CUBN: variants seen among roughly 807,000 people sequenced by gnomAD.
The protein encoded by CUBN is 460 kDa receptor.
Under a neutral mutation model 405.3 loss-of-function variants are expected in CUBN, and 282 were observed. The ratio of observed to expected loss-of-function variants is 0.70; its 90% CI spans 0.63 to 0.77. The LOEUF is 0.77. Among genes scored for constraint, CUBN ranks in the 30% least tolerant of loss-of-function variants. The pLI, the probability that CUBN is intolerant of heterozygous loss-of-function variation, is 0.00. For missense variants in CUBN, 4,514 were observed against 4,475.2 expected (o/e 1.01, Z -0.25); for synonymous variants, 1,684 against 1,617.0 (o/e 1.04, Z -0.99).
intron 28 of CUBN, among the ~76,000 whole-genome samples, chr10:17,001,122 G>A (rs948588873): frequency 1.3e-5 from 2 of 152,252 alleles, no homozygotes; most frequent in East Asian, 3.9e-4. Flanking sequence ...GTGCAGAGTT[G>A]TTCATTCTTC....
intron 4 of CUBN, among the ~76,000 whole-genome samples, chr10:17,124,912 A>G (rs1837137997): frequency 6.7e-6 from 1 of 149,122 alleles, no homozygotes; most frequent in South Asian, 2.2e-4. Context: ...GCTCACTGCA[A>G]CCTCCACCTC....
intron 8 of CUBN, among the ~76,000 whole-genome samples, chr10:17,112,016 T>C (rs1836782437): frequency 1.3e-5 from 2 of 152,266 alleles, no homozygotes; most frequent in South Asian, 4.1e-4. Flanking sequence ...CTTGTACAAA[T>C]GAAGAATAAA....
chr10:17,099,955 C>T, intron 14 of CUBN, 50 bp downstream of exon 14: 1 of 1,311,436 alleles, frequency 7.6e-7, no homozygotes, highest in African/African-American at 1.5e-5. Context: ...ATTAAGAACA[C>T]TTAATAACCT....
At position 17,068,529 on chromosome 10, in the gene CUBN, T is replaced by C; in HGVS notation, c.2791+76A>G. The C allele has an allele frequency of 3.1e-6, 4 of 1,297,954 alleles. No homozygotes were observed. In the East Asian group the frequency reaches 6.9e-5, roughly 23 times the overall value. The allele number at this position is 1,297,954 out of a possible 1,614,324, so 80.4% of individuals were successfully genotyped here. On this transcript the variant is annotated intron_variant, in intron 20 of 66. Coordinates refer to ENST00000377833, the MANE Select transcript of CUBN (RefSeq NM_001081.4). ...TTTTTCACAGTACAGATGATTTTCA[T>C]ATAATTTATTTCTATCATTCACTTA... is the stretch of plus-strand genomic sequence containing the variant.
At chr10:16,910,194 C>T (rs1841686169) in intron 48 of CUBN, among the ~76,000 whole-genome samples, 1 of 151,144 alleles carries the variant, frequency 6.6e-6, no homozygotes, top group African/African-American at 2.4e-5. Context: ...TTCCCCTTCT[C>T]CCTCTTCTCC....
At chr10:16,979,545 A>G (rs1239174859) in intron 31 of CUBN, among the ~76,000 whole-genome samples, 1 of 152,228 alleles carries the variant, frequency 6.6e-6, no homozygotes, top group African/African-American at 2.4e-5. Context: ...CCACACATCT[A>G]CAACCATCTG....
chr10:17,051,987 G>A (rs1835280269), intron 22 of CUBN, among the ~76,000 whole-genome samples: 1 of 151,956 alleles, frequency 6.6e-6, no homozygotes, highest in Non-Finnish European at 1.5e-5. Flanking sequence ...AACTACACTT[G>A]GACATGTCAG....
intron 29 of CUBN, 140 bp downstream of exon 29, chr10:16,990,194 C>A: frequency 1.2e-6 from 1 of 850,080 alleles, no homozygotes; most frequent in South Asian, 1.4e-5. Context: ...ACCAAATGAT[C>A]ACCGAAGGGC....
At chr10:16,942,026 A>G (rs1842664708) in intron 36 of CUBN, among the ~76,000 whole-genome samples, 1 of 152,332 alleles carries the variant, frequency 6.6e-6, no homozygotes, top group East Asian at 1.9e-4. Context: ...TATTCATAAA[A>G]GAAGACAAGA....
chr10:16,963,780 G>T (rs1008825434), intron 31 of CUBN, among the ~76,000 whole-genome samples: 3 of 152,186 alleles, frequency 2.0e-5, no homozygotes, highest in African/African-American at 4.8e-5. Context: ...ACAGAATAAT[G>T]AGTGAATAGA....
intron 66 of CUBN, among the ~76,000 whole-genome samples, chr10:16,828,058 A>AGAAG (rs1190378510): frequency 6.6e-6 from 1 of 152,264 alleles, no homozygotes; most frequent in Non-Finnish European, 1.5e-5. Flanking sequence ...ATTTTCAGCA[A>AGAAG]GAAGTAGATA....
intron 10 of CUBN, among the ~76,000 whole-genome samples, chr10:17,106,224 G>A (rs140941957): frequency 0.087 from 13,248 of 152,118 alleles, 773 homozygotes; most frequent in Non-Finnish European, 0.14. Flanking sequence ...GGCAGAGGTT[G>A]TAGTGAGCTG....
intron 59 of CUBN, among the ~76,000 whole-genome samples, chr10:16,867,383 C>G (rs767644532): frequency 2.0e-5 from 3 of 152,186 alleles, no homozygotes; most frequent in Non-Finnish European, 2.9e-5. Flanking sequence ...TTCCTTCCCC[C>G]TCTCCTCACT....
intron 22 of CUBN, 49 bp downstream of exon 22, chr10:17,065,459 G>A (rs778143833): frequency 1.2e-6 from 2 of 1,608,806 alleles, no homozygotes; most frequent in Non-Finnish European, 1.7e-6. Flanking sequence ...TATTAGCACT[G>A]TTTTGCAATG....
chr10:16,963,175 T>C (rs1564449712), intron 31 of CUBN, among the ~76,000 whole-genome samples: 1 of 127,400 alleles, frequency 7.8e-6, no homozygotes, highest in Non-Finnish European at 1.6e-5. Flanking sequence ...CATTTCTTTT[T>C]TCTTTTCTTT....
At chr10:16,967,777 AAG>A (rs375708805) in intron 31 of CUBN, among the ~76,000 whole-genome samples, 6 of 143,816 alleles carry the variant, frequency 4.2e-5, no homozygotes, top group African/African-American at 1.3e-4. Flanking sequence ...AGGAGGGAGA[AAG>A]AGAGAGAAGG....
Position 17,127,892 on chromosome 10 carries a change from T to G in CUBN, c.285A>C (p.Leu95Phe). Reference protein sequence around the residue: ...IQKNKEDIIELKGSAIGLPQN... With the variant: ...IQKNKEDIIEFKGSAIGLPQN... ...GAGGCAGACCAATTGCACTCCCTTT[T>G]AACTCTATAATATCTTCTTTGTTTT... Residue 95 changes from leucine to phenylalanine, a missense_variant, in exon 3 of 67, where the codon TTA (leucine) becomes TTC (phenylalanine). Transcript: ENST00000377833. The G allele has an allele frequency of 6.2e-7, 1 of 1,611,304 alleles. No homozygotes were observed. Among genetic ancestry groups the G allele is most frequent in the African/African-American group, 1.3e-5 (1 of 74,992 alleles).
At position 16,869,810 on chromosome 10, in the gene CUBN, C is replaced by T. The variant is rs765436466; in HGVS notation, c.9280G>A (p.Asp3094Asn). 1.9e-6 allele frequency: 3 copies of T among 1,614,032 alleles called. No homozygotes were observed. The South Asian group carries it at 3.3e-5, about 18-fold the overall frequency. ...GCACCATCGTAAATTGCCAGGTAGT[C>T]ATGGGAGCAGGAGGTGGAGGGAACC... ...DVVPSTSCSH[D>N]YLAIYDGANT... is the part of the protein sequence containing the mutation. The change falls in exon 59 of 67, where the codon GAC (aspartate) becomes AAC (asparagine). Residue 3094 changes from aspartate (D) to asparagine (N), a missense_variant. Asp to Asn is a conservative substitution (Grantham distance 23, BLOSUM62 1). Coordinates refer to ENST00000377833, the MANE Select transcript of CUBN (RefSeq NM_001081.4).
intron 45 of CUBN, among the ~76,000 whole-genome samples, chr10:16,918,033 A>G (rs985395273): frequency 1.3e-5 from 2 of 152,096 alleles, no homozygotes; most frequent in African/African-American, 4.8e-5. Context: ...TCCCAGCATC[A>G]TTTATTGGAT....
Sources: allele counts gnomAD v4.1 joint callset (sites outside exome capture counted in the v4.1 genomes callset), GRCh38; gene constraint gnomAD v4.1.1; transcripts MANE v1.5; gene names NCBI Gene and HGNC (gene_info 2026-07-23, HGNC 2026-07-21).